PAG1: variants seen among roughly 807,000 people sequenced by gnomAD.
PAG1 encodes the protein phosphoprotein membrane anchor with glycosphingolipid microdomains 1, also known as phosphoprotein associated with glycosphingolipid-enriched microdomains 1.
PAG1 carries 23 observed loss-of-function variants against 31.7 expected under a neutral mutation model. The observed-to-expected ratio is 0.73, with a 90% CI of 0.52 to 1.03. The LOEUF (loss-of-function observed/expected upper bound fraction) is 1.03. Ranked by LOEUF, PAG1 falls within the 50% of genes least tolerant of loss-of-function variation. The pLI is 0.00. For missense variants in PAG1, 473 were observed against 540.7 expected (o/e 0.87, Z 1.24); for synonymous variants, 214 against 210.3 (o/e 1.02, Z -0.15).
chr8:81,003,467 G>A (rs1295562137), intron 3 of PAG1, among the ~76,000 whole-genome samples: 1 of 152,096 alleles, frequency 6.6e-6, no homozygotes, highest in East Asian at 1.9e-4. Flanking sequence ...TGTTTCCTAG[G>A]AGCCTTCTTG....
At chr8:80,989,516 C>A (rs1169861632) in intron 5 of PAG1, among the ~76,000 whole-genome samples, 1 of 152,188 alleles carries the variant, frequency 6.6e-6, no homozygotes. Context: ...TCCGGGTAAG[C>A]ATGCGTTCCT....
chr8:80,996,079 G>A (rs551028227), intron 3 of PAG1, among the ~76,000 whole-genome samples: 44 of 152,360 alleles, frequency 2.9e-4, no homozygotes, highest in African/African-American at 1.0e-3. Context: ...TCAGGTGCAC[G>A]TTTCTGAGTC....
chr8:81,018,961 CT>C (rs1275822290), intron 3 of PAG1, among the ~76,000 whole-genome samples: 1 of 152,176 alleles, frequency 6.6e-6, no homozygotes, highest in Non-Finnish European at 1.5e-5. Context: ...TTCCTAGACA[CT>C]TATTGAATGG....
chr8:81,067,241 G>C (rs1429705503), intron 2 of PAG1, among the ~76,000 whole-genome samples: 1 of 152,132 alleles, frequency 6.6e-6, no homozygotes, highest in African/African-American at 2.4e-5. Flanking sequence ...GCTAACAATG[G>C]TTCTCTTTGG....
intron 2 of PAG1, chr8:81,039,538 T>C (rs999728004): frequency 6.6e-6 from 1 of 152,182 alleles, no homozygotes; most frequent in African/African-American, 2.4e-5. Flanking sequence ...ACTTGCAGCC[T>C]CCAGAATGGT....
chr8:81,012,833 T>C (rs1318799280), intron 3 of PAG1, among the ~76,000 whole-genome samples: 1 of 152,204 alleles, frequency 6.6e-6, no homozygotes, highest in Non-Finnish European at 1.5e-5. Flanking sequence ...AAGGAAACCC[T>C]GGGCACTAGC....
chr8:81,108,834 T>C (rs1238867757), intron 1 of PAG1, among the ~76,000 whole-genome samples: 1 of 152,194 alleles, frequency 6.6e-6, no homozygotes, highest in Non-Finnish European at 1.5e-5. Context: ...TATTTAATGG[T>C]AAGTATAAAT....
At chr8:81,010,416 T>C (rs1409685941) in intron 3 of PAG1, among the ~76,000 whole-genome samples, 2 of 152,244 alleles carry the variant, frequency 1.3e-5, no homozygotes, top group Non-Finnish European at 2.9e-5. Context: ...TCAAAAGTTA[T>C]ATGGCTATTG....
chr8:81,035,705 G>A (rs1808451446), intron 2 of PAG1, among the ~76,000 whole-genome samples: 1 of 152,068 alleles, frequency 6.6e-6, no homozygotes, highest in African/African-American at 2.4e-5. Context: ...TCATTTTCTG[G>A]ATGTTCTCTT....
intron 6 of PAG1, among the ~76,000 whole-genome samples, 170 bp downstream of exon 6, chr8:80,987,200 G>A (rs1807442396): frequency 6.6e-6 from 1 of 152,198 alleles, no homozygotes; most frequent in Non-Finnish European, 1.5e-5. Flanking sequence ...CACAGAAGTG[G>A]ATTAATAAGT....
rs1299343994 is a variant in PAG1, at chr8:80,976,854, G to A, written c.989C>T (p.Ser330Leu). 8.1e-6 allele frequency: 13 copies of A among 1,613,234 alleles called. No individual in the cohort carries two copies. Among genetic ancestry groups the A allele is most frequent in the Middle Eastern group, 1.6e-4 (1 of 6,082 alleles). Residue 330 changes from serine (S) to leucine (L), a missense_variant, in exon 9 of 9, where the codon TCG becomes TTG. Coordinates refer to ENST00000220597, the MANE Select transcript of PAG1 (RefSeq NM_018440.4). ...VNKPGQLVNKSGQSLTVPEST... is the reference protein window; with the variant it reads ...VNKPGQLVNKLGQSLTVPEST... Reference sequence around the variant, plus strand: ...CTCCGGAACTGTAAGCGACTGCCCCGATTTATTCACTAACTGTCCAGGTTT... The same window carrying A: ...CTCCGGAACTGTAAGCGACTGCCCCAATTTATTCACTAACTGTCCAGGTTT...
chr8:80,988,606 A>T (rs1658667333), intron 5 of PAG1, among the ~76,000 whole-genome samples: 2 of 152,044 alleles, frequency 1.3e-5, no homozygotes, highest in South Asian at 4.1e-4. Flanking sequence ...GACTACAGGT[A>T]TGCACCACTA....
chr8:80,978,550 A>G (rs947191963), intron 8 of PAG1, among the ~76,000 whole-genome samples: 1 of 152,190 alleles, frequency 6.6e-6, no homozygotes, highest in Non-Finnish European at 1.5e-5. Flanking sequence ...TAACAATGAG[A>G]GTCAGCCCCT....
chr8:80,980,404 T>G, intron 8 of PAG1, 31 bp downstream of exon 8: 1 of 1,304,004 alleles, frequency 7.7e-7, no homozygotes, highest in Non-Finnish European at 1.1e-6. Flanking sequence ...TTTACTACAG[T>G]TTTCCCTTTT....
intron 2 of PAG1, chr8:81,037,124 T>A (rs536953938): frequency 6.6e-6 from 1 of 152,306 alleles, no homozygotes; most frequent in South Asian, 2.1e-4. Context: ...TAGTTCTTTC[T>A]GCAAATCCTC....
At chr8:81,016,984 A>G (rs548808445) in intron 3 of PAG1, among the ~76,000 whole-genome samples, 4 of 152,348 alleles carry the variant, frequency 2.6e-5, no homozygotes, top group South Asian at 4.1e-4. Flanking sequence ...AGCTCCCAGA[A>G]AAGTGAGAGA....
intron 1 of PAG1, among the ~76,000 whole-genome samples, chr8:81,089,171 T>G (rs1809406432): frequency 6.6e-6 from 1 of 152,212 alleles, no homozygotes; most frequent in Non-Finnish European, 1.5e-5. Context: ...GTTAACAGCA[T>G]TAAGTTTCAT....
At chr8:80,981,461 C>A (rs75558311) in intron 7 of PAG1, among the ~76,000 whole-genome samples, 1 of 152,206 alleles carries the variant, frequency 6.6e-6, no homozygotes, top group African/African-American at 2.4e-5. Flanking sequence ...CTCTGCTCAA[C>A]TCACAGTCTA....
chr8:80,968,190 C>G lies in PAG1; in HGVS notation c.*8354G>C, dbSNP rs1434185732. The G allele has an allele frequency of 6.6e-6, 1 of 152,206 alleles. No individual in the cohort carries two copies. The highest frequency in any genetic ancestry group is 1.5e-5 in the Non-Finnish European group (1 of 68,030). The allele number at this position is 152,206 out of a possible 1,614,324, so 9.4% of individuals were successfully genotyped here. On this transcript the variant is annotated 3_prime_UTR_variant, in exon 9 of 9. Coordinates refer to ENST00000220597, the MANE Select transcript of PAG1 (RefSeq NM_018440.4). ...ATTAATAATTGGATCATTAAAAACA[C>G]AACTTCAATTTATATAGCACCTTTC...
Sources: gnomAD v4.1 joint callset for allele counts (sites outside exome capture counted in the v4.1 genomes callset) on GRCh38, gnomAD v4.1.1 for gene constraint, MANE v1.5 for transcripts, NCBI Gene and HGNC (gene_info 2026-07-23, HGNC 2026-07-21) for gene names.